The following MYOF variants were observed in gnomAD, a reference collection of about 807,000 sequenced individuals.
MYOF encodes myoferlin.
A neutral mutation model predicts 284.2 loss-of-function variants in MYOF; 244 were observed. The observed-to-expected ratio is 0.86, with a 90% confidence interval of 0.77 to 0.95. MYOF has a LOEUF of 0.95. Ranked by LOEUF, MYOF falls within the 40% of genes least tolerant of loss-of-function variation. The pLI is 0.00. For missense variants in MYOF, 2,496 were observed against 2,560.6 expected, an observed-to-expected ratio of 0.97 and a Z score of 0.54; for synonymous variants, 904 against 919.7, an observed-to-expected ratio of 0.98 and a Z score of 0.31.
At chr10:93,343,052 A>AT (rs72520053) in intron 38 of MYOF, among the ~76,000 whole-genome samples, 8,038 of 150,974 alleles carry the variant, frequency 0.053, 263 homozygotes, top group Middle Eastern at 0.083. Flanking sequence ...ATGGAAGTAG[A>AT]TTTTTTTTTT....
intron 5 of MYOF, among the ~76,000 whole-genome samples, chr10:93,421,139 C>A (rs1386491588): frequency 2.0e-5 from 3 of 152,102 alleles, no homozygotes; most frequent in Non-Finnish European, 2.9e-5. Context: ...ATTGTTTGAA[C>A]CGGGGAGGTG....
chr10:93,355,837 C>CT (rs1844775153), intron 30 of MYOF, 101 bp from the exon 31 acceptor site: 5 of 822,348 alleles, frequency 6.1e-6, no homozygotes, highest in Non-Finnish European at 2.0e-6. Context: ...GGAATTCTAG[C>CT]TTTTTAAAGA....
chr10:93,454,162 A>G (rs540959865), intron 2 of MYOF, among the ~76,000 whole-genome samples: 2 of 152,332 alleles, frequency 1.3e-5, no homozygotes, highest in Admixed American at 6.5e-5. Context: ...AGCCTGGGCA[A>G]CAAGAGCAAA....
chr10:93,353,810 C>A lies in MYOF; in HGVS notation c.3481+1G>T. On this transcript the variant is annotated splice_donor_variant, in intron 32 of 53. Transcript: ENST00000359263. LOFTEE classifies it high-confidence loss of function. Reference sequence around the variant, plus strand: ...TAGCATGTAGATTTTTTTTCCTTTACCTGAAAAGCTATCCTTATCTAAAGC... The same window carrying A: ...TAGCATGTAGATTTTTTTTCCTTTAACTGAAAAGCTATCCTTATCTAAAGC... 1 of 1,602,920 alleles carries A rather than the reference C, an allele frequency of 6.2e-7. No homozygotes were observed. The highest frequency in any genetic ancestry group is 8.5e-7 in the Non-Finnish European group (1 of 1,174,006).
intron 53 of MYOF, among the ~76,000 whole-genome samples, chr10:93,308,911 T>C (rs1411592834): frequency 6.6e-6 from 1 of 152,090 alleles, no homozygotes; most frequent in Non-Finnish European, 1.5e-5. Flanking sequence ...GGGGTTTCGC[T>C]ATGTTGGCCA....
intron 17 of MYOF, among the ~76,000 whole-genome samples, chr10:93,390,293 T>C (rs867483460): frequency 5.3e-5 from 8 of 152,200 alleles, no homozygotes; most frequent in African/African-American, 1.9e-4. Context: ...AATGGGCGTG[T>C]ACACATTTGT....
intron 3 of MYOF, among the ~76,000 whole-genome samples, chr10:93,440,145 G>A (rs187163811): frequency 6.7e-4 from 102 of 152,264 alleles, no homozygotes; most frequent in Middle Eastern, 6.8e-3. Flanking sequence ...TGGGTGCAGT[G>A]GCTCATGCCT....
chr10:93,359,865 C>A lies in MYOF; in HGVS notation c.3088G>T (p.Asp1030Tyr). ...GTGCTTGAAGCAGTCTGTGTTAAAT[C>A]TTTCTTGCGTTTTCGGACCAGCCTT... is the stretch of plus-strand genomic sequence containing the variant. ...RRRLVRKRKK[D>Y]LTQTASSTAR... is the part of the protein sequence containing the mutation. The change falls in exon 29 of 54, where the codon GAT becomes TAT. Residue 1030 changes from aspartate to tyrosine, a missense_variant. Asp to Tyr is a radical substitution (Grantham distance 160, BLOSUM62 -3). Around this residue, in one of 3 missense-constraint regions of MYOF, gnomAD observed 2,436 missense variants for 2,480.7 expected, o/e 0.98. Coordinates refer to ENST00000359263, the MANE Select transcript of MYOF (RefSeq NM_013451.4). 1 of 1,614,190 alleles carries A rather than the reference C, an allele frequency of 6.2e-7. No individual in the cohort carries two copies. The highest frequency in any genetic ancestry group is 8.5e-7 in the Non-Finnish European group (1 of 1,180,024).
At chr10:93,402,436 T>A in intron 10 of MYOF, 89 bp from the exon 11 acceptor site, 1 of 1,063,772 alleles carries the variant, frequency 9.4e-7, no homozygotes, top group Non-Finnish European at 1.4e-6. Context: ...AAGCTGCATT[T>A]TCTTGGAAGC....
chr10:93,459,042 C>T (rs187398472), intron 1 of MYOF, among the ~76,000 whole-genome samples: 3 of 152,352 alleles, frequency 2.0e-5, no homozygotes, highest in Non-Finnish European at 1.5e-5. Flanking sequence ...AGCCCAATGG[C>T]TTCCCTTCCT....
chr10:93,449,157 C>A (rs1175258092), intron 3 of MYOF, among the ~76,000 whole-genome samples: 1 of 152,214 alleles, frequency 6.6e-6, no homozygotes, highest in African/African-American at 2.4e-5. Context: ...GTGAAGCAAA[C>A]ACCAGATTCC....
chr10:93,355,550 A>G, intron 31 of MYOF, 78 bp downstream of exon 31: 1 of 1,187,756 alleles, frequency 8.4e-7, no homozygotes, highest in Non-Finnish European at 1.2e-6. Flanking sequence ...ACTGCACTCC[A>G]GCCTGGGTGA....
At chr10:93,330,512 G>A (rs368254021) in intron 43 of MYOF, among the ~76,000 whole-genome samples, 75 of 152,306 alleles carry the variant, frequency 4.9e-4, no homozygotes, top group African/African-American at 1.6e-3. Context: ...GTGCCCCAAA[G>A]GCTCCCCTCT....
intron 26 of MYOF, among the ~76,000 whole-genome samples, chr10:93,365,445 A>G (rs1187184941): frequency 3.3e-5 from 5 of 152,166 alleles, no homozygotes; most frequent in Non-Finnish European, 7.3e-5. Flanking sequence ...AGCTTTTGAG[A>G]TATAGTTCAC....
At chr10:93,477,294 C>A (rs1207945843) in intron 1 of MYOF, among the ~76,000 whole-genome samples, 1 of 151,000 alleles carries the variant, frequency 6.6e-6, no homozygotes, top group African/African-American at 2.4e-5. Context: ...GAGTTCAAGA[C>A]CAGCCTGGCC....
At chr10:93,410,707 T>G (rs911297530) in intron 5 of MYOF, among the ~76,000 whole-genome samples, 1 of 152,254 alleles carries the variant, frequency 6.6e-6, no homozygotes, top group Non-Finnish European at 1.5e-5. Context: ...TCTGGTAATC[T>G]GTACAATATA....
intron 3 of MYOF, among the ~76,000 whole-genome samples, chr10:93,449,830 G>A (rs987484433): frequency 1.3e-5 from 2 of 152,094 alleles, no homozygotes; most frequent in African/African-American, 4.8e-5. Context: ...TATGCAGGGG[G>A]CATCGGTCAG....
chr10:93,374,893 T>G lies in MYOF; in HGVS notation c.2171A>C (p.Lys724Thr). 6.2e-7 allele frequency: 1 copy of G among 1,614,190 alleles called. No individual in the cohort carries two copies. Among genetic ancestry groups the G allele is most frequent in the South Asian group, 1.1e-5 (1 of 91,082 alleles). Reference protein sequence around the residue: ...NVTVLDTQIRKLRSRSLSQIH... With the variant: ...NVTVLDTQIRTLRSRSLSQIH... Reference sequence around the variant, plus strand: ...TTGGGAGAGAGACCTGGACCGCAGCTTTCGGATCTGAGTATCGAGAACTGT... The same window carrying G: ...TTGGGAGAGAGACCTGGACCGCAGCGTTCGGATCTGAGTATCGAGAACTGT... The change falls in exon 23 of 54, where the codon AAG (lysine) becomes ACG (threonine). Residue 724 changes from lysine to threonine, a missense_variant. By Grantham distance (78) the Lys-to-Thr change is moderately conservative (BLOSUM62 -1). Around this residue, in one of 3 missense-constraint regions of MYOF, gnomAD observed 2,436 missense variants for 2,480.7 expected, o/e 0.98. Coordinates refer to ENST00000359263, the MANE Select transcript of MYOF (RefSeq NM_013451.4).
intron 2 of MYOF, among the ~76,000 whole-genome samples, chr10:93,456,586 C>A (rs1050049778): frequency 6.6e-6 from 1 of 152,204 alleles, no homozygotes; most frequent in Non-Finnish European, 1.5e-5. Flanking sequence ...CCCAGATATG[C>A]AACATAAGTG....
Sources: gnomAD v4.1 joint callset for allele counts (sites outside exome capture counted in the v4.1 genomes callset) on GRCh38, gnomAD v4.1.1 for gene constraint, gnomAD v4.1.1 regional missense constraint, MANE v1.5 for transcripts, NCBI Gene and HGNC (gene_info 2026-07-23, HGNC 2026-07-21) for gene names.